FAM149A: variants seen among roughly 807,000 people sequenced by gnomAD.
FAM149A encodes the protein family with sequence similarity 149 member A, also known as protein FAM149A.
FAM149A carries 71 observed loss-of-function variants against 78.2 expected under a neutral mutation model. That is an observed-to-expected ratio of 0.91 (90% CI 0.75 to 1.11). The LOEUF (loss-of-function observed/expected upper bound fraction) is 1.11. Among genes scored for constraint, FAM149A ranks in the 50% least tolerant of loss-of-function variants. FAM149A has a pLI of 0.00. For missense variants in FAM149A, 1,036 were observed against 971.0 expected (o/e 1.07, Z -0.89); for synonymous variants, 446 against 410.5 (o/e 1.09, Z -1.04).
Position 186,144,229 on chromosome 4 carries a change from C to T in FAM149A, c.567-4944C>T, listed in dbSNP as rs1178445517. On this transcript the variant is annotated intron_variant, in intron 1 of 13. Transcript: ENST00000389354. This position sits in a 1 kb window ranked among gnomAD's most constrained non-coding sequence, Gnocchi z 4.2. ...CACAGGAGAGCGTCCAGCTGCTCTG[C>T]TCCTGGTATAATCCTGGGCCTCCAA... 6.6e-6 allele frequency: 1 copy of T among 152,230 alleles called. No individual in the cohort carries two copies. Among genetic ancestry groups the T allele is most frequent in the Non-Finnish European group, 1.5e-5 (1 of 68,074 alleles). 9.4% of individuals were successfully genotyped at this position (152,230 alleles called of 1,614,324 possible). A position where few individuals can be genotyped will look rare whatever the true frequency, so the allele number is the denominator to read the frequency against.
intron 1 of FAM149A, among the ~76,000 whole-genome samples, chr4:186,136,964 T>TCTCTCTCTC (rs2099323207): frequency 9.3e-5 from 9 of 97,090 alleles, no homozygotes; most frequent in African/African-American, 1.8e-4. Context: ...CTCTCTCTCT[T>TCTCTCTCTC]TCTCTCTCTC....
intron 1 of FAM149A, chr4:186,116,777 T>G: frequency 4.1e-6 from 4 of 981,896 alleles, no homozygotes; most frequent in Non-Finnish European, 4.8e-6. Context: ...AGCAGTTATA[T>G]GTTTTTTTGC....
At chr4:186,159,978 C>G (rs1330570018) in intron 8 of FAM149A, among the ~76,000 whole-genome samples, 1 of 148,254 alleles carries the variant, frequency 6.7e-6, no homozygotes, top group Non-Finnish European at 1.5e-5. Flanking sequence ...ACCAAACACA[C>G]CACACACACA....
At position 186,157,765 on chromosome 4, in the gene FAM149A, T is replaced by C. The variant is rs752504121; in HGVS notation, c.1575+46T>C. The C allele has an allele frequency of 2.5e-6, 4 of 1,579,518 alleles. No individual in the cohort carries two copies. In the Admixed American group the frequency reaches 7.0e-5, roughly 28 times the overall value. On this transcript the variant is annotated intron_variant, in intron 8 of 13. Transcript: ENST00000389354. Reference sequence around the variant, plus strand: ...CTCCCTCTTGCCTTCACTCTGTGTGTCTGTCACCTCAGTTTGTCGTTCTGT... The same window carrying C: ...CTCCCTCTTGCCTTCACTCTGTGTGCCTGTCACCTCAGTTTGTCGTTCTGT...
chr4:186,150,599 T>C, intron 3 of FAM149A, among the ~76,000 whole-genome samples: 1 of 135,392 alleles, frequency 7.4e-6, no homozygotes. Context: ...TTTTGTATTT[T>C]TAATAGAGAC....
At chr4:186,158,001 C>T (rs1734205511) in intron 8 of FAM149A, 1 of 1,478,708 alleles carries the variant, frequency 6.8e-7, no homozygotes, top group African/African-American at 1.4e-5. Context: ...CCAGATGGAG[C>T]AGTATATCCA....
rs113859779 is a variant in FAM149A at position 186,153,024 on chromosome 4, G to GT, written c.933-610dup. On this transcript the variant is annotated intron_variant, in intron 4 of 13. Coordinates refer to ENST00000389354, the MANE Select transcript of FAM149A (RefSeq NM_001367768.3). ...ACAGAAATCTTGACCAACTAGGGTT[G>GT]TTTTTTTTTTTCTTTTCAACCCTTA... 4.1e-3 allele frequency among the ~76,000 whole-genome samples: 604 copies of GT among 145,834 alleles called. 2 individuals are homozygous for GT. The highest frequency in any genetic ancestry group is 0.039 in the Middle Eastern group (11 of 282).
chr4:186,151,156 A>C lies in FAM149A; in HGVS notation c.790-747A>C, dbSNP rs912681402. On this transcript the variant is annotated intron_variant, in intron 3 of 13. Coordinates refer to ENST00000389354, the MANE Select transcript of FAM149A (RefSeq NM_001367768.3). ...GACTCAGCTCAGCACTGCTAGGAGGACCTTTCACGCACGCAGCTCCCTTAC... is the reference window on the plus strand; with the variant it reads ...GACTCAGCTCAGCACTGCTAGGAGGCCCTTTCACGCACGCAGCTCCCTTAC... 1.2e-5 allele frequency: 8 copies of C among 646,172 alleles called. No homozygotes were observed. In the Admixed American group the frequency reaches 4.4e-4, roughly 36 times the overall value. 40.0% of individuals were successfully genotyped at this position (646,172 alleles called of 1,614,324 possible).
At chr4:186,134,362 A>C (rs2099321930) in intron 1 of FAM149A, among the ~76,000 whole-genome samples, 1 of 152,198 alleles carries the variant, frequency 6.6e-6, no homozygotes, top group African/African-American at 2.4e-5. Context: ...AGAAAGCTGC[A>C]TGTGAAGCAT....
chr4:186,167,184 T>C lies in FAM149A; in HGVS notation c.2140T>C (p.Ser714Pro). 1 of 1,609,668 alleles carries C rather than the reference T, an allele frequency of 6.2e-7. No individual in the cohort carries two copies. The highest frequency in any genetic ancestry group is 8.5e-7 in the Non-Finnish European group (1 of 1,176,060). ...CCTGATTTTATTTTTCTTCCAGCAG[T>C]CGGATACGCCTCGAAAAAGTTCATT... Residue 714 changes from serine to proline, a missense_variant and splice_region_variant, in exon 13 of 14, where the codon TCG becomes CCG. By Grantham distance (74) the Ser-to-Pro change is moderately conservative. Around this residue, in one of 3 missense-constraint regions of FAM149A, gnomAD observed 716 missense variants for 711.8 expected, o/e 1.01. Transcript: ENST00000389354.
intron 13 of FAM149A, among the ~76,000 whole-genome samples, chr4:186,171,578 T>TG (rs1213529894): frequency 6.6e-6 from 1 of 151,968 alleles, no homozygotes; most frequent in African/African-American, 2.4e-5. Flanking sequence ...TACCTGGCAT[T>TG]GCACCTGCCC....
chr4:186,116,635 C>T (rs2099313844), intron 1 of FAM149A: 1 of 972,904 alleles, frequency 1.0e-6, no homozygotes, highest in African/African-American at 1.8e-5. Flanking sequence ...CACTCTGTCA[C>T]CAGGCTGGCT....
chr4:186,151,011 C>T (rs1294604202), intron 3 of FAM149A: 13 of 985,146 alleles, frequency 1.3e-5, no homozygotes, highest in East Asian at 1.1e-4. Flanking sequence ...AGCCTCTTTG[C>T]TTTCTTTAAA....
Position 186,144,920 on chromosome 4 carries a change from G to A in FAM149A, c.567-4253G>A, listed in dbSNP as rs1285841600. Reference sequence around the variant, plus strand: ...CCGGGCCGCCTGAGCTGGGCCAGCCGCGCGGCGGGCGCGGGCGCGGGCGCG... The same window carrying A: ...CCGGGCCGCCTGAGCTGGGCCAGCCACGCGGCGGGCGCGGGCGCGGGCGCG... On this transcript the variant is annotated intron_variant, in intron 1 of 13. Transcript: ENST00000389354. The surrounding 1 kb of genome is among the most constrained non-coding windows in gnomAD (Gnocchi z 4.2). 4.3e-6 allele frequency: 4 copies of A among 920,322 alleles called. No individual in the cohort carries two copies. The African/African-American group carries it at 7.7e-5, about 18-fold the overall frequency. The allele number at this position is 920,322 out of a possible 1,614,324, so 57.0% of individuals were successfully genotyped here.
intron 1 of FAM149A, among the ~76,000 whole-genome samples, chr4:186,143,679 A>G (rs988037403): frequency 4.6e-5 from 7 of 151,984 alleles, no homozygotes; most frequent in African/African-American, 1.2e-4. Context: ...ACAGGCACGC[A>G]CCACCACACC....
At chr4:186,147,971 A>G (rs1401953278) in intron 1 of FAM149A, among the ~76,000 whole-genome samples, 1 of 152,240 alleles carries the variant, frequency 6.6e-6, no homozygotes, top group Non-Finnish European at 1.5e-5. Flanking sequence ...CTTGCATGAG[A>G]CGTATCTATG....
intron 8 of FAM149A, among the ~76,000 whole-genome samples, chr4:186,159,985 C>CCAA (rs1734401339): frequency 6.7e-6 from 1 of 149,532 alleles, no homozygotes; most frequent in Admixed American, 6.7e-5. Flanking sequence ...ACACCACACA[C>CCAA]ACACACTGCA....
chr4:186,105,777 C>A, intron 1 of FAM149A, 135 bp downstream of exon 1: 1 of 532,498 alleles, frequency 1.9e-6, no homozygotes, highest in Non-Finnish European at 2.4e-6. Context: ...CCTGGGCACC[C>A]TCCTTGCACG....
intron 1 of FAM149A, among the ~76,000 whole-genome samples, chr4:186,137,229 T>C (rs1386973638): frequency 1.3e-5 from 2 of 150,046 alleles, no homozygotes; most frequent in East Asian, 4.0e-4. Context: ...CCCTTGGGAA[T>C]TTACTGGATG....
Sources: gnomAD v4.1 joint callset for allele counts (sites outside exome capture counted in the v4.1 genomes callset) on GRCh38, gnomAD v4.1.1 for gene constraint, gnomAD v4.1.1 regional missense constraint, Gnocchi (gnomAD v3.1) non-coding constraint, MANE v1.5 for transcripts, NCBI Gene and HGNC (gene_info 2026-07-23, HGNC 2026-07-21) for gene names.